KIAA1217: variants seen among roughly 807,000 people sequenced by gnomAD.
KIAA1217 encodes KIAA1217.
Under a neutral mutation model 163.9 loss-of-function variants are expected in KIAA1217, and 88 were observed. That is an observed-to-expected ratio of 0.54 (90% CI 0.45 to 0.64). The LOEUF is 0.64. Among genes scored for constraint, KIAA1217 ranks in the 30% least tolerant of loss-of-function variants. The pLI, the probability that KIAA1217 is intolerant of heterozygous loss-of-function variation, is 0.00. For synonymous variants in KIAA1217, 903 were observed against 923.1 expected, an observed-to-expected ratio of 0.98 and a Z score of 0.39; for missense variants, 2,372 against 2,475.0, an observed-to-expected ratio of 0.96 and a Z score of 0.88.
chr10:24,156,255 A>G (rs1253881516), intron 2 of KIAA1217, among the ~76,000 whole-genome samples: 2 of 152,180 alleles, frequency 1.3e-5, no homozygotes, highest in Admixed American at 6.5e-5. Flanking sequence ...TTCAACCAGC[A>G]TAATTATTTT....
At position 24,524,664 on chromosome 10, in the gene KIAA1217, C is replaced by A. The variant is rs369589516; in HGVS notation, c.2798C>A (p.Pro933Gln). 2 of 1,614,200 alleles carry A rather than the reference C, an allele frequency of 1.2e-6. No homozygotes were observed. The change falls in exon 13 of 21, where the codon CCG becomes CAG. Residue 933 changes from proline (P) to glutamine (Q), a missense_variant. Pro to Gln is a moderately conservative substitution (Grantham distance 76). Transcript: ENST00000376454. ...ATSTLQMSQA[P>Q]QSPQIPMNGS... ...TCCACTCTGCAGATGTCGCAGGCTCCGCAGTCCCCACAGATACCCATGAAT... is the reference window on the plus strand; with the variant it reads ...TCCACTCTGCAGATGTCGCAGGCTCAGCAGTCCCCACAGATACCCATGAAT...
At chr10:23,710,354 A>C (rs2130733183) in intron 1 of KIAA1217, among the ~76,000 whole-genome samples, 1 of 152,326 alleles carries the variant, frequency 6.6e-6, no homozygotes, top group South Asian at 2.1e-4. Context: ...GGCAGGTATT[A>C]TACTCTTTAA....
At chr10:23,704,447 C>T (rs181785128) in intron 1 of KIAA1217, among the ~76,000 whole-genome samples, 6 of 151,848 alleles carry the variant, frequency 4.0e-5, no homozygotes, top group African/African-American at 7.2e-5. Context: ...CCAGTAGTTG[C>T]GGTTCCCTTC....
At chr10:24,436,355 C>A (rs550724282) in intron 4 of KIAA1217, among the ~76,000 whole-genome samples, 1 of 151,858 alleles carries the variant, frequency 6.6e-6, no homozygotes, top group Non-Finnish European at 1.5e-5. Flanking sequence ...TGAGCACATG[C>A]ATGTCGCTTC....
intron 1 of KIAA1217, among the ~76,000 whole-genome samples, chr10:23,696,394 C>G (rs531803717): frequency 6.6e-6 from 1 of 152,152 alleles, no homozygotes; most frequent in African/African-American, 2.4e-5. Flanking sequence ...TTCTGTGCTT[C>G]GGGAATGGAA....
chr10:23,706,258 T>C (rs2130721228), intron 1 of KIAA1217, among the ~76,000 whole-genome samples: 1 of 152,258 alleles, frequency 6.6e-6, no homozygotes, highest in South Asian at 2.1e-4. Context: ...CCTCCCTCCC[T>C]TTTTTACTTC....
At chr10:24,484,275 C>T (rs1592298447) in intron 6 of KIAA1217, among the ~76,000 whole-genome samples, 4 of 95,102 alleles carry the variant, frequency 4.2e-5, no homozygotes, top group Admixed American at 2.9e-4. Context: ...GAAACAGTCT[C>T]GCTCTGTTGC....
intron 17 of KIAA1217, among the ~76,000 whole-genome samples, chr10:24,540,840 C>T (rs1383389284): frequency 6.6e-6 from 1 of 152,156 alleles, no homozygotes; most frequent in African/African-American, 2.4e-5. Context: ...ACGATCTCAG[C>T]TCATTGCAAC....
intron 2 of KIAA1217, among the ~76,000 whole-genome samples, chr10:24,253,562 G>A (rs2074796773): frequency 6.6e-6 from 1 of 152,040 alleles, no homozygotes; most frequent in Non-Finnish European, 1.5e-5. Context: ...GTGTCCACTT[G>A]GTTACTAAAA....
chr10:24,194,243 A>G (rs955926165), intron 2 of KIAA1217, among the ~76,000 whole-genome samples: 3 of 150,318 alleles, frequency 2.0e-5, no homozygotes, highest in Non-Finnish European at 4.4e-5. Context: ...TACCAAACCT[A>G]TGAAACCTTT....
chr10:23,809,212 A>G (rs1170215968), intron 1 of KIAA1217, among the ~76,000 whole-genome samples: 3 of 152,136 alleles, frequency 2.0e-5, no homozygotes, highest in Non-Finnish European at 4.4e-5. Flanking sequence ...AGCAAATGCA[A>G]GTAAAAGTAA....
intron 2 of KIAA1217, among the ~76,000 whole-genome samples, chr10:24,231,860 A>G (rs528831426): frequency 5.4e-4 from 81 of 150,302 alleles, no homozygotes; most frequent in Non-Finnish European, 1.1e-3. Context: ...GTGCAGTGGC[A>G]TGATCTCGGC....
intron 1 of KIAA1217, among the ~76,000 whole-genome samples, chr10:24,003,507 T>C (rs1287866466): frequency 6.6e-6 from 1 of 152,200 alleles, no homozygotes; most frequent in African/African-American, 2.4e-5. Flanking sequence ...TCTTTAACTC[T>C]GAATATCATC....
At chr10:23,882,244 C>A (rs933683552) in intron 1 of KIAA1217, among the ~76,000 whole-genome samples, 3 of 151,916 alleles carry the variant, frequency 2.0e-5, no homozygotes, top group Admixed American at 6.6e-5. Context: ...ATGTGACAAA[C>A]CTGAGTCAGT....
chr10:23,837,764 C>T (rs11013739), intron 1 of KIAA1217, among the ~76,000 whole-genome samples: 37,510 of 151,922 alleles, frequency 0.25, 5,331 homozygotes, highest in African/African-American at 0.39. Context: ...TGATCTTGAA[C>T]TCCTGGGCTC....
At chr10:24,173,881 A>G (rs1376849329) in intron 2 of KIAA1217, among the ~76,000 whole-genome samples, 2 of 152,228 alleles carry the variant, frequency 1.3e-5, no homozygotes, top group Non-Finnish European at 2.9e-5. Context: ...TCCAAATTGC[A>G]AAGTCCAAGC....
intron 1 of KIAA1217, among the ~76,000 whole-genome samples, chr10:23,848,579 G>A (rs1839154177): frequency 6.6e-6 from 1 of 151,906 alleles, no homozygotes; most frequent in African/African-American, 2.4e-5. Context: ...CACACTATCT[G>A]GCCCAAATCA....
At chr10:24,040,668 C>G (rs1848592822) in intron 2 of KIAA1217, among the ~76,000 whole-genome samples, 1 of 152,152 alleles carries the variant, frequency 6.6e-6, no homozygotes, top group South Asian at 2.1e-4. Context: ...AGGGTTTACT[C>G]CCACATTTTT....
chr10:23,723,114 A>G (rs1837955918), intron 1 of KIAA1217, among the ~76,000 whole-genome samples: 1 of 152,206 alleles, frequency 6.6e-6, no homozygotes, highest in Admixed American at 6.5e-5. Context: ...AACTAAAATT[A>G]GAATTTGGGG....
Sources: gnomAD v4.1 joint callset for allele counts (sites outside exome capture counted in the v4.1 genomes callset) on GRCh38, gnomAD v4.1.1 for gene constraint, MANE v1.5 for transcripts, NCBI Gene and HGNC (gene_info 2026-07-23, HGNC 2026-07-21) for gene names.